ADCK5: variants seen among roughly 807,000 people sequenced by gnomAD.
ADCK5 encodes aarF domain containing kinase 5.
Under a neutral mutation model 64.9 loss-of-function variants are expected in ADCK5, and 43 were observed. The ratio of observed to expected loss-of-function variants is 0.66; its 90% CI spans 0.52 to 0.85. The LOEUF (loss-of-function observed/expected upper bound fraction) is 0.85, where lower values mean the gene tolerates loss of function less well. Among genes scored for constraint, ADCK5 ranks in the 40% least tolerant of loss-of-function variants. ADCK5 has a pLI of 0.00. For synonymous variants in ADCK5, 434 were observed against 342.8 expected (o/e 1.27, Z -2.94); for missense variants, 760 against 810.5 (o/e 0.94, Z 0.76).
At chr8:144,374,253 T>C in intron 1 of ADCK5, 146 bp downstream of exon 1, 1 of 766,458 alleles carries the variant, frequency 1.3e-6, no homozygotes. Flanking sequence ...TCTGTCGCCC[T>C]GGAGCGCAGT....
rs1217958490 is a variant in ADCK5, at chr8:144,384,389, G to A, written c.266+1159G>A. On this transcript the variant is annotated intron_variant, in intron 3 of 14. Coordinates refer to ENST00000308860, the MANE Select transcript of ADCK5 (RefSeq NM_174922.5). The surrounding 1 kb of genome is among the most constrained non-coding windows in gnomAD (Gnocchi z 5.7). Reference sequence around the variant, plus strand: ...TCACAGAAATTTCCTCCAGCAGTGAGTGGAAGCTTGTGGATAGCTGGGCAC... The same window carrying A: ...TCACAGAAATTTCCTCCAGCAGTGAATGGAAGCTTGTGGATAGCTGGGCAC... Among the ~76,000 whole-genome samples the A allele has an allele frequency of 6.6e-6, 1 of 152,206 alleles. No homozygotes were observed. Among genetic ancestry groups the A allele is most frequent in the African/African-American group, 2.4e-5 (1 of 41,450 alleles).
At chr8:144,378,476 C>G (rs553616649) in intron 1 of ADCK5, among the ~76,000 whole-genome samples, 23 of 152,206 alleles carry the variant, frequency 1.5e-4, no homozygotes, top group Admixed American at 1.0e-3. Flanking sequence ...CTCCGCCCCC[C>G]CCACTGCTTC....
intron 11 of ADCK5, 35 bp downstream of exon 11, chr8:144,392,205 G>C: frequency 6.5e-7 from 1 of 1,548,140 alleles, no homozygotes; most frequent in East Asian, 2.4e-5. Flanking sequence ...GGCAGGGCAA[G>C]CCTCTCCTGC....
intron 2 of ADCK5, among the ~76,000 whole-genome samples, chr8:144,381,132 G>C (rs1819606774): frequency 2.3e-5 from 3 of 130,454 alleles, no homozygotes; most frequent in Non-Finnish European, 3.2e-5. Context: ...TCAGGCACCT[G>C]CTGCACTAAG....
Position 144,390,847 on chromosome 8 carries a change from T to C in ADCK5, c.343-9T>C. 1 of 1,612,072 alleles carries C rather than the reference T, an allele frequency of 6.2e-7. No individual in the cohort carries two copies. The highest frequency in any genetic ancestry group is 1.7e-4 in the Middle Eastern group (1 of 6,058). On this transcript the variant is annotated splice_polypyrimidine_tract_variant and intron_variant, in intron 4 of 14. Coordinates refer to ENST00000308860, the MANE Select transcript of ADCK5 (RefSeq NM_174922.5). ...TGTCCCCATGTGTTCTCCCCATGCC[T>C]GTGGTCAGAACAGCCCAGGCTACTT...
chr8:144,375,449 C>A (rs1365996881), intron 1 of ADCK5: 64 of 985,272 alleles, frequency 6.5e-5, no homozygotes, highest in Non-Finnish European at 7.5e-5. Flanking sequence ...CTCTGGTCAT[C>A]CGTTCATGGT....
rs1554858668 is a variant in ADCK5, at chr8:144,383,206, T to C, written c.242T>C (p.Val81Ala). 2.5e-6 allele frequency: 4 copies of C among 1,587,038 alleles called. No homozygotes were observed. In the South Asian group the frequency reaches 3.4e-5, roughly 14 times the overall value. ...GAGAAGAGGAGGATGCGGCTCGTGGTGGATGGCATGGGGCGCTTTGGCAGG... is the reference window on the plus strand; with the variant it reads ...GAGAAGAGGAGGATGCGGCTCGTGGCGGATGGCATGGGGCGCTTTGGCAGG... ...AREKRRMRLV[V>A]DGMGRFGRSL... The change falls in exon 3 of 15, where the codon GTG becomes GCG. Residue 81 changes from valine to alanine, a missense_variant. Around this residue, in one of 2 missense-constraint regions of ADCK5, gnomAD observed 427 missense variants for 518.4 expected, o/e 0.82. Coordinates refer to ENST00000308860, the MANE Select transcript of ADCK5 (RefSeq NM_174922.5).
chr8:144,393,206 G>A lies in ADCK5; in HGVS notation c.*132G>A. 4 of 1,353,306 alleles carry A rather than the reference G, an allele frequency of 3.0e-6. No individual in the cohort carries two copies. The highest frequency in any genetic ancestry group is 1.5e-5 in the South Asian group (1 of 67,138). 83.8% of individuals were successfully genotyped at this position (1,353,306 alleles called of 1,614,324 possible). On this transcript the variant is annotated 3_prime_UTR_variant, in exon 15 of 15. Coordinates refer to ENST00000308860, the MANE Select transcript of ADCK5 (RefSeq NM_174922.5). ...GCTGTGACAGCAGCTGGGCCAGGAG[G>A]CCGTGTAATGACCACACACTCCTCT...
intron 3 of ADCK5, among the ~76,000 whole-genome samples, 173 bp from the exon 4 acceptor site, chr8:144,390,490 GCAGCACCC>G (rs1398001984): frequency 1.3e-5 from 2 of 152,150 alleles, no homozygotes; most frequent in Admixed American, 6.5e-5. Flanking sequence ...CACGAGCTCA[GCAGCACCC>G]CTTGTGCTCA....
At chr8:144,385,443 C>T (rs1281189010) in intron 3 of ADCK5, among the ~76,000 whole-genome samples, 7 of 151,226 alleles carry the variant, frequency 4.6e-5, no homozygotes, top group Admixed American at 4.6e-4. Context: ...CTCGGCCTCT[C>T]AAAGTGCTGG....
chr8:144,392,351 G>GGGGT lies in ADCK5; in HGVS notation c.1267+7_1267+8insGGTG, dbSNP rs1820297203. The GGGGT allele has an allele frequency of 4.0e-5, 60 of 1,488,402 alleles. No individual in the cohort carries two copies. Among genetic ancestry groups the GGGGT allele is most frequent in the Non-Finnish European group, 5.1e-5 (57 of 1,120,646 alleles). 92.2% of individuals were successfully genotyped at this position (1,488,402 alleles called of 1,614,324 possible). On this transcript the variant is annotated splice_region_variant and intron_variant, in intron 12 of 14. Coordinates refer to ENST00000308860, the MANE Select transcript of ADCK5 (RefSeq NM_174922.5). ...AGCCGCACTGGGGGTGCAAGGTGAG[G>GGGGT]GCGTGCGGGGATGGCTGGGGCACCA...
At chr8:144,375,125 A>C (rs1819312292) in intron 1 of ADCK5, among the ~76,000 whole-genome samples, 1 of 152,228 alleles carries the variant, frequency 6.6e-6, no homozygotes, top group South Asian at 2.1e-4. Flanking sequence ...CCTTCAGTGC[A>C]GCTCCTTCCA....
rs781858466 is a variant in ADCK5, at chr8:144,391,456, C to T, written c.780C>T (p.Gly260=). The change falls in exon 7 of 15, where the codon GGC becomes GGT. Residue 260 remains glycine (G), a synonymous_variant. Coordinates refer to ENST00000308860, the MANE Select transcript of ADCK5 (RefSeq NM_174922.5). The part of the protein sequence containing the change: ...RLVEVMHPSF[G]FSWVLQDLKG... ...TTGAGGTCATGCACCCCAGCTTTGGCTTCAGCTGGGTCCTCCAGGTACAGC... is the reference window on the plus strand; with the variant it reads ...TTGAGGTCATGCACCCCAGCTTTGGTTTCAGCTGGGTCCTCCAGGTACAGC... The T allele has an allele frequency of 6.2e-7, 1 of 1,611,670 alleles. No homozygotes were observed. Among genetic ancestry groups the T allele is most frequent in the African/African-American group, 1.3e-5 (1 of 75,052 alleles).
intron 3 of ADCK5, among the ~76,000 whole-genome samples, chr8:144,387,984 G>A (rs1819997207): frequency 7.0e-6 from 1 of 143,250 alleles, no homozygotes; most frequent in African/African-American, 2.6e-5. Flanking sequence ...CGCCCGCCTT[G>A]GCCTCCCAAA....
intron 3 of ADCK5, among the ~76,000 whole-genome samples, chr8:144,388,265 G>A (rs1394095065): frequency 6.6e-6 from 1 of 151,424 alleles, no homozygotes; most frequent in Non-Finnish European, 1.5e-5. Context: ...GCTGAGGCGG[G>A]AGAATTGCTT....
At chr8:144,392,422 T>TCCCC (rs1176024956) in intron 12 of ADCK5, 23 bp from the exon 13 acceptor site, 127 of 542,190 alleles carry the variant, frequency 2.3e-4, no homozygotes, top group African/African-American at 1.3e-3. Context: ...GCCCCCTCCC[T>TCCCC]CCCTCCCTCC....
At position 144,391,351 on chromosome 8, in the gene ADCK5, C is replaced by T; in HGVS notation, c.685-10C>T. 1 of 1,613,044 alleles carries T rather than the reference C, an allele frequency of 6.2e-7. No individual in the cohort carries two copies. Among genetic ancestry groups the T allele is most frequent in the Non-Finnish European group, 8.5e-7 (1 of 1,179,982 alleles). On this transcript the variant is annotated splice_polypyrimidine_tract_variant and intron_variant, in intron 6 of 14. Coordinates refer to ENST00000308860, the MANE Select transcript of ADCK5 (RefSeq NM_174922.5). ...GCCCCAAGTTCTCACCACACCCTCGCCCAGTGCAGGTGCAGTACATCGACC... is the reference window on the plus strand; with the variant it reads ...GCCCCAAGTTCTCACCACACCCTCGTCCAGTGCAGGTGCAGTACATCGACC...
In ADCK5 at chr8:144,383,067, T is replaced by C. The variant is rs782056929; in HGVS notation, c.117-14T>C. On this transcript the variant is annotated splice_polypyrimidine_tract_variant and intron_variant, in intron 2 of 14. Transcript: ENST00000308860. ...TGGGGGGCGGCGCCTCCAGGCTGCA[T>C]TGTCTCTCCTCAGGTTCTCCAGCCC... 3 of 1,584,002 alleles carry C rather than the reference T, an allele frequency of 1.9e-6. No individual in the cohort carries two copies. In the South Asian group the frequency reaches 3.5e-5, roughly 18 times the overall value.
At chr8:144,392,232 C>T (rs1554861076) in intron 11 of ADCK5, 22 bp from the exon 12 acceptor site, 4 of 1,543,752 alleles carry the variant, frequency 2.6e-6, no homozygotes, top group Non-Finnish European at 2.6e-6. Context: ...GAGCTCATGG[C>T]TGCGGGCCCA....
Sources: gnomAD v4.1 joint callset for allele counts (sites outside exome capture counted in the v4.1 genomes callset) on GRCh38, gnomAD v4.1.1 for gene constraint, gnomAD v4.1.1 regional missense constraint, Gnocchi (gnomAD v3.1) non-coding constraint, MANE v1.5 for transcripts, NCBI Gene and HGNC (gene_info 2026-07-23, HGNC 2026-07-21) for gene names.